CSNK1G1: variants seen among roughly 807,000 people sequenced by gnomAD.
The protein encoded by CSNK1G1 is casein kinase I isoform gamma-1.
Under a neutral mutation model 59.6 loss-of-function variants are expected in CSNK1G1, and 22 were observed. The observed-to-expected ratio is 0.37, with a 90% CI of 0.26 to 0.53. CSNK1G1 has a LOEUF of 0.53. CSNK1G1 is among the 20% of genes least tolerant of loss of function. The pLI, the probability that CSNK1G1 is intolerant of heterozygous loss-of-function variation, is 0.89. For synonymous variants in CSNK1G1, 179 were observed against 177.1 expected (o/e 1.01, Z -0.08); for missense variants, 384 against 519.5 (o/e 0.74, Z 2.54).
chr15:64,217,811 A>T (rs1322991523), intron 4 of CSNK1G1, among the ~76,000 whole-genome samples: 1 of 147,840 alleles, frequency 6.8e-6, no homozygotes, highest in African/African-American at 2.5e-5. Flanking sequence ...GCGAGACTCC[A>T]TCTCAAAAAA....
At chr15:64,308,340 C>G (rs927569394) in intron 1 of CSNK1G1, among the ~76,000 whole-genome samples, 4 of 152,118 alleles carry the variant, frequency 2.6e-5, no homozygotes, top group African/African-American at 9.7e-5. Flanking sequence ...TTCAAGAGAT[C>G]CTCCAGCCTT....
At chr15:64,314,023 A>AT (rs1896137606) in intron 1 of CSNK1G1, among the ~76,000 whole-genome samples, 1 of 152,210 alleles carries the variant, frequency 6.6e-6, no homozygotes, top group Admixed American at 6.5e-5. Flanking sequence ...AAACACATGA[A>AT]TTAAAAAAAC....
chr15:64,266,842 A>G lies in CSNK1G1; in HGVS notation c.182-7601T>C, dbSNP rs114433865. Reference sequence around the variant, plus strand: ...GGAAGAAAGTAGACCCTTATCTCTCACCTTATGCAAAAATCAACTCAAAAT... The same window carrying G: ...GGAAGAAAGTAGACCCTTATCTCTCGCCTTATGCAAAAATCAACTCAAAAT... On this transcript the variant is annotated intron_variant, in intron 2 of 11. Coordinates refer to ENST00000303052, the MANE Select transcript of CSNK1G1 (RefSeq NM_022048.5). 1.6e-3 allele frequency among the ~76,000 whole-genome samples: 247 copies of G among 152,322 alleles called. 2 individuals are homozygous for G. Among genetic ancestry groups the G allele is most frequent in the African/African-American group, 5.7e-3 (238 of 41,556 alleles).
chr15:64,263,220 G>A (rs1414002511), intron 2 of CSNK1G1, among the ~76,000 whole-genome samples: 3 of 150,144 alleles, frequency 2.0e-5, no homozygotes, highest in Admixed American at 1.3e-4. Context: ...ACAGAGTCTC[G>A]CTCTGTTGCC....
At chr15:64,354,958 C>G (rs1288288743) in intron 1 of CSNK1G1, among the ~76,000 whole-genome samples, 1 of 152,210 alleles carries the variant, frequency 6.6e-6, no homozygotes, top group African/African-American at 2.4e-5. Flanking sequence ...CATTCATTCT[C>G]TCTCTGAAAA....
intron 2 of CSNK1G1, among the ~76,000 whole-genome samples, chr15:64,280,382 AC>A (rs1410079255): frequency 6.7e-6 from 1 of 150,002 alleles, no homozygotes; most frequent in East Asian, 2.0e-4. Context: ...ACTCAGACTT[AC>A]CTTTTTTTTT....
At position 64,200,647 on chromosome 15, in the gene CSNK1G1, C is replaced by G. The variant is rs891757887; in HGVS notation, c.1107+2435G>C. Among the ~76,000 whole-genome samples, 1 of 152,068 alleles carries G rather than the reference C, an allele frequency of 6.6e-6. No homozygotes were observed. The highest frequency in any genetic ancestry group is 1.5e-5 in the Non-Finnish European group (1 of 67,996). ...AGGCGTGAGCCACTGCGCCTGGCCG[C>G]ATTATAGAGTAATAAAACTTCATTT... On this transcript the variant is annotated intron_variant, in intron 10 of 11. Transcript: ENST00000303052. This position sits in a 1 kb window ranked among gnomAD's most constrained non-coding sequence, Gnocchi z 4.3.
Position 64,176,232 on chromosome 15 carries a change from C to T in CSNK1G1, c.1214+4116G>A, listed in dbSNP as rs2081740072. The T allele has an allele frequency of 2.5e-6, 1 of 398,726 alleles. No individual in the cohort carries two copies. Among genetic ancestry groups the T allele is most frequent in the Non-Finnish European group, 4.4e-6 (1 of 226,112 alleles). The allele number at this position is 398,726 out of a possible 1,614,324, so 24.7% of individuals were successfully genotyped here. The stretch of plus-strand genomic sequence containing the variant: ...GTCCCAGCCTAGTCTGGTCCACTCC[C>T]CTTGCAATGGACTGGAGAGAGGGAC... On this transcript the variant is annotated intron_variant, in intron 11 of 11. Transcript: ENST00000303052. This position sits in a 1 kb window ranked among gnomAD's most constrained non-coding sequence, Gnocchi z 5.2.
intron 1 of CSNK1G1, among the ~76,000 whole-genome samples, chr15:64,318,532 T>C (rs1006359070): frequency 2.0e-5 from 3 of 151,936 alleles, no homozygotes; most frequent in African/African-American, 7.2e-5. Context: ...GAGTATAAAC[T>C]TGTATTTCTT....
intron 2 of CSNK1G1, among the ~76,000 whole-genome samples, chr15:64,273,575 C>T (rs1893442595): frequency 6.6e-6 from 1 of 151,854 alleles, no homozygotes; most frequent in Non-Finnish European, 1.5e-5. Flanking sequence ...TGAAGGAAAA[C>T]CTAACAACGT....
intron 2 of CSNK1G1, among the ~76,000 whole-genome samples, chr15:64,296,339 T>C (rs1895021402): frequency 6.6e-6 from 1 of 152,144 alleles, no homozygotes; most frequent in Middle Eastern, 3.2e-3. Flanking sequence ...CATGTTGGTA[T>C]TGAAATCCTA....
At chr15:64,238,656 C>G (rs2082653026) in intron 4 of CSNK1G1, among the ~76,000 whole-genome samples, 1 of 150,908 alleles carries the variant, frequency 6.6e-6, no homozygotes, top group East Asian at 1.9e-4. Flanking sequence ...CATAAAGTGC[C>G]TATTAGACTG....
intron 1 of CSNK1G1, chr15:64,335,816 T>G (rs1026306711): frequency 5.3e-5 from 8 of 152,140 alleles, no homozygotes; most frequent in African/African-American, 1.9e-4. Flanking sequence ...GTCAACAAAT[T>G]CTTGCTGTTG....
intron 4 of CSNK1G1, 63 bp downstream of exon 4, chr15:64,251,449 T>C (rs1892077010): frequency 2.5e-6 from 3 of 1,218,210 alleles, no homozygotes; most frequent in South Asian, 1.4e-5. Flanking sequence ...AAAAAATTTG[T>C]ATATTTTAGG....
At chr15:64,195,974 A>G (rs78061587) in intron 10 of CSNK1G1, among the ~76,000 whole-genome samples, 643 of 152,326 alleles carry the variant, frequency 4.2e-3, no homozygotes, top group Admixed American at 7.8e-3. Flanking sequence ...TCACACTTGT[A>G]ATCCCCGTTA....
At chr15:64,175,103 G>A (rs989076874) in intron 11 of CSNK1G1, among the ~76,000 whole-genome samples, 3 of 149,092 alleles carry the variant, frequency 2.0e-5, no homozygotes, top group African/African-American at 7.5e-5. Flanking sequence ...CACCTCACAG[G>A]AAAAAATAGA....
intron 1 of CSNK1G1, among the ~76,000 whole-genome samples, chr15:64,312,664 C>G (rs781012858): frequency 6.6e-6 from 1 of 152,058 alleles, no homozygotes; most frequent in Non-Finnish European, 1.5e-5. Context: ...AGATAAAAAC[C>G]CAGGCAATAC....
In CSNK1G1 at chr15:64,204,552, C is replaced by T; in HGVS notation, c.888G>A (p.Leu296=). Residue 296 remains leucine (L), a synonymous_variant, in exon 9 of 12, where the codon CTG becomes CTA. Transcript: ENST00000303052. ...CATAATCAGGTTTTTCAAAGAAGTC[C>T]AGTCGCCTGACATATCGAAGGTAGG... ...MATYLRYVRR[L]DFFEKPDYEY... The T allele has an allele frequency of 1.9e-6, 3 of 1,613,930 alleles. No individual in the cohort carries two copies. The highest frequency in any genetic ancestry group is 2.2e-5 in the East Asian group (1 of 44,866).
At chr15:64,231,827 G>A (rs62021593) in intron 4 of CSNK1G1, among the ~76,000 whole-genome samples, 18,916 of 152,018 alleles carry the variant, frequency 0.12, 2,035 homozygotes, top group African/African-American at 0.3. Flanking sequence ...TTGTGTTACA[G>A]TTACTTACCA....
Sources: allele counts gnomAD v4.1 joint callset (sites outside exome capture counted in the v4.1 genomes callset), GRCh38; gene constraint gnomAD v4.1.1; non-coding constraint Gnocchi (gnomAD v3.1); transcripts MANE v1.5; gene names NCBI Gene and HGNC (gene_info 2026-07-23, HGNC 2026-07-21).